Variants in EFNA5 observed in about 807,000 individuals in gnomAD.
EFNA5 encodes ephrin-A5.
EFNA5 carries 5 observed loss-of-function variants against 22.9 expected under a neutral mutation model. That is an observed-to-expected ratio of 0.22 (90% CI 0.11 to 0.46). The LOEUF (loss-of-function observed/expected upper bound fraction) is 0.46. Among genes scored for constraint, EFNA5 ranks in the 20% least tolerant of loss-of-function variants. The pLI, the probability that EFNA5 is intolerant of heterozygous loss-of-function variation, is 0.99. For missense variants in EFNA5, 237 were observed against 293.3 expected, an observed-to-expected ratio of 0.81 and a Z score of 1.40; for synonymous variants, 113 against 112.2, an observed-to-expected ratio of 1.01 and a Z score of -0.04.
intron 1 of EFNA5, among the ~76,000 whole-genome samples, chr5:107,539,692 C>T (rs1273532861): frequency 6.6e-6 from 1 of 152,088 alleles, no homozygotes; most frequent in Admixed American, 6.6e-5. Context: ...CTCCTGACCT[C>T]ATGATCCACC....
At chr5:107,510,915 T>G (rs1237039471) in intron 1 of EFNA5, among the ~76,000 whole-genome samples, 1 of 152,222 alleles carries the variant, frequency 6.6e-6, no homozygotes, top group African/African-American at 2.4e-5. Flanking sequence ...TATTTTAAAC[T>G]ACATGGTTAA....
chr5:107,662,466 T>C (rs1441802716), intron 1 of EFNA5, among the ~76,000 whole-genome samples: 1 of 152,180 alleles, frequency 6.6e-6, no homozygotes. Context: ...TAGTAAGCAG[T>C]ATAGTATAAA....
intron 1 of EFNA5, among the ~76,000 whole-genome samples, chr5:107,577,635 A>C (rs1051530760): frequency 1.3e-5 from 2 of 152,158 alleles, no homozygotes; most frequent in Non-Finnish European, 2.9e-5. Context: ...TGTTTTGCTG[A>C]CATTTGAAGT....
rs1035693123 is a variant in EFNA5, at chr5:107,378,581, T to C, written c.*2674A>G. 6.6e-6 allele frequency: 1 copy of C among 152,220 alleles called. No homozygotes were observed. Among genetic ancestry groups the C allele is most frequent in the Non-Finnish European group, 1.5e-5 (1 of 68,042 alleles). 9.4% of individuals were successfully genotyped at this position (152,220 alleles called of 1,614,324 possible). A position where few individuals can be genotyped will look rare whatever the true frequency, so the allele number is the denominator to read the frequency against. On this transcript the variant is annotated 3_prime_UTR_variant, in exon 5 of 5. Transcript: ENST00000333274. ...GACACCAATCATCTTGAAAACTCCA[T>C]GGCAAGTGCATTAGCTATGATTTCA...
chr5:107,407,225 T>C (rs1478696600), intron 2 of EFNA5, among the ~76,000 whole-genome samples: 2 of 152,046 alleles, frequency 1.3e-5, no homozygotes, highest in African/African-American at 4.8e-5. Flanking sequence ...CTTGGTGACC[T>C]TTTTTGCAGT....
At chr5:107,535,310 C>T (rs1747905298) in intron 1 of EFNA5, among the ~76,000 whole-genome samples, 1 of 152,154 alleles carries the variant, frequency 6.6e-6, no homozygotes, top group Admixed American at 6.6e-5. Context: ...ACAAATAATA[C>T]AGTATGTGGT....
intron 1 of EFNA5, among the ~76,000 whole-genome samples, chr5:107,436,337 C>G (rs1749110398): frequency 6.6e-6 from 1 of 152,150 alleles, no homozygotes; most frequent in Non-Finnish European, 1.5e-5. Context: ...CTTTGGGTGA[C>G]AGTCTAATTG....
intron 1 of EFNA5, among the ~76,000 whole-genome samples, chr5:107,582,623 T>A (rs1341050967): frequency 6.6e-6 from 1 of 152,180 alleles, no homozygotes; most frequent in African/African-American, 2.4e-5. Flanking sequence ...CCTCCATTAC[T>A]GTCCAAATGA....
intron 1 of EFNA5, among the ~76,000 whole-genome samples, chr5:107,615,821 T>TA (rs1749901443): frequency 6.6e-6 from 1 of 152,170 alleles, no homozygotes; most frequent in African/African-American, 2.4e-5. Context: ...TCCCTCCAGT[T>TA]ACAGCAAAAG....
intron 1 of EFNA5, among the ~76,000 whole-genome samples, chr5:107,597,866 G>A (rs1749507708): frequency 6.6e-6 from 1 of 152,130 alleles, no homozygotes; most frequent in African/African-American, 2.4e-5. Flanking sequence ...TGATAGAAGT[G>A]CATCCCCCGA....
At chr5:107,400,059 T>C (rs1182160540) in intron 2 of EFNA5, among the ~76,000 whole-genome samples, 4 of 152,220 alleles carry the variant, frequency 2.6e-5, no homozygotes, top group African/African-American at 4.8e-5. Context: ...TAATTTATTA[T>C]AGTAAGAATT....
At chr5:107,403,928 T>C (rs548543222) in intron 2 of EFNA5, among the ~76,000 whole-genome samples, 2 of 152,340 alleles carry the variant, frequency 1.3e-5, no homozygotes, top group South Asian at 2.1e-4. Flanking sequence ...AGAGGTAAAT[T>C]AGAGGCTTGA....
chr5:107,429,382 G>A (rs1748889606), intron 1 of EFNA5, among the ~76,000 whole-genome samples: 1 of 152,214 alleles, frequency 6.6e-6, no homozygotes, highest in Non-Finnish European at 1.5e-5. Context: ...GAAGGCGGAG[G>A]TTGCAGTGAG....
At chr5:107,572,505 G>A (rs73781119) in intron 1 of EFNA5, among the ~76,000 whole-genome samples, 7,680 of 152,258 alleles carry the variant, frequency 0.05, 625 homozygotes, top group African/African-American at 0.17. Flanking sequence ...AACCTGCCAT[G>A]AAAAGATTCT....
At position 107,530,921 on chromosome 5, in the gene EFNA5, C is replaced by A. The variant is rs79716441; in HGVS notation, c.126-103412G>T. On this transcript the variant is annotated intron_variant, in intron 1 of 4. Coordinates refer to ENST00000333274, the MANE Select transcript of EFNA5 (RefSeq NM_001962.3). Reference sequence around the variant, plus strand: ...CATTGCCTCTCCTGTAAAGAAGTATCCAAGTATATCATTATTTCTTTTTGC... The same window carrying A: ...CATTGCCTCTCCTGTAAAGAAGTATACAAGTATATCATTATTTCTTTTTGC... 1.4e-3 allele frequency among the ~76,000 whole-genome samples: 215 copies of A among 152,202 alleles called. 1 individual carries two copies. Among genetic ancestry groups the A allele is most frequent in the African/African-American group, 5.0e-3 (209 of 41,502 alleles).
chr5:107,569,181 G>A (rs1034073092), intron 1 of EFNA5, among the ~76,000 whole-genome samples: 1 of 151,840 alleles, frequency 6.6e-6, no homozygotes, highest in Non-Finnish European at 1.5e-5. Context: ...TATTGGGGGT[G>A]AATGTTCACC....
intron 1 of EFNA5, among the ~76,000 whole-genome samples, chr5:107,666,845 C>T (rs949403535): frequency 1.3e-5 from 2 of 152,124 alleles, no homozygotes; most frequent in Non-Finnish European, 2.9e-5. Context: ...AAGCACCAAA[C>T]TGCTTATGGC....
At chr5:107,619,070 T>C (rs1008966302) in intron 1 of EFNA5, among the ~76,000 whole-genome samples, 3 of 151,670 alleles carry the variant, frequency 2.0e-5, no homozygotes, top group South Asian at 2.1e-4. Flanking sequence ...TACAGGCACC[T>C]GACACCACGC....
chr5:107,621,008 C>T (rs774672681), intron 1 of EFNA5, among the ~76,000 whole-genome samples: 1 of 151,984 alleles, frequency 6.6e-6, no homozygotes, highest in Non-Finnish European at 1.5e-5. Flanking sequence ...TTTGTTATGT[C>T]TAGAAAGTAG....
Sources: allele counts gnomAD v4.1 joint callset (sites outside exome capture counted in the v4.1 genomes callset), GRCh38; gene constraint gnomAD v4.1.1; transcripts MANE v1.5; gene names NCBI Gene and HGNC (gene_info 2026-07-23, HGNC 2026-07-21).